Variants in SYNE2 observed in about 807,000 individuals in gnomAD.
SYNE2 encodes the protein spectrin repeat containing nuclear envelope protein 2.
Under a neutral mutation model 856.3 loss-of-function variants are expected in SYNE2, and 431 were observed. The observed-to-expected ratio is 0.50, with a 90% CI of 0.47 to 0.55. The LOEUF is 0.55. SYNE2 is among the 20% of genes least tolerant of loss of function. SYNE2 has a pLI of 0.00. For missense variants in SYNE2, 8,129 were observed against 8,023.2 expected (o/e 1.01, Z -0.50); for synonymous variants, 2,923 against 2,872.3 (o/e 1.02, Z -0.56).
intron 1 of SYNE2, among the ~76,000 whole-genome samples, chr14:63,777,432 G>A (rs964851174): frequency 6.6e-6 from 1 of 152,154 alleles, no homozygotes; most frequent in African/African-American, 2.4e-5. Flanking sequence ...AACTTTGAGA[G>A]GCTGAGGTGG....
At chr14:63,861,650 G>A (rs1893761741) in intron 1 of SYNE2, among the ~76,000 whole-genome samples, 1 of 151,952 alleles carries the variant, frequency 6.6e-6, no homozygotes, top group Admixed American at 6.6e-5. Context: ...GCTGGGCTAT[G>A]GTGGTGCATG....
At chr14:64,100,572 T>TATATATA in intron 63 of SYNE2, among the ~76,000 whole-genome samples, 1 of 107,140 alleles carries the variant, frequency 9.3e-6, no homozygotes, top group East Asian at 2.5e-4. Context: ...ATATATATAT[T>TATATATA]TATGACATGT....
intron 1 of SYNE2, among the ~76,000 whole-genome samples, chr14:63,877,962 AT>A (rs1226406052): frequency 6.6e-6 from 1 of 151,306 alleles, no homozygotes; most frequent in Non-Finnish European, 1.5e-5. Context: ...ATCATGGCTC[AT>A]TGCAGCCTTG....
chr14:63,942,089 T>C lies in SYNE2; in HGVS notation c.354T>C (p.Asp118=), dbSNP rs376281752. 7.6e-5 allele frequency: 123 copies of C among 1,611,748 alleles called. 1 individual carries two copies. The highest frequency in any genetic ancestry group is 2.6e-4 in the South Asian group (24 of 91,052). ...ATATTCATGTTACTGATATCATTGA[T>C]GGAAACCCATCCATTATCCTTGGCC... ...LINIHVTDII[D]GNPSIILGLI... is the part of the protein sequence containing the mutation. Residue 118 remains aspartate, a synonymous_variant, in exon 6 of 116, where the codon GAT becomes GAC. Coordinates refer to ENST00000555002, the MANE Select transcript of SYNE2 (RefSeq NM_182914.3).
chr14:63,854,722 TG>T (rs1329762905), intron 1 of SYNE2, among the ~76,000 whole-genome samples: 1 of 152,236 alleles, frequency 6.6e-6, no homozygotes, highest in Non-Finnish European at 1.5e-5. Context: ...TGAAAAATCA[TG>T]TGAATAAATT....
Position 64,077,528 on chromosome 14 carries a change from T to C in SYNE2, c.11023-938T>C, listed in dbSNP as rs8015543. 5.5e-3 allele frequency among the ~76,000 whole-genome samples: 832 copies of C among 152,318 alleles called. 8 individuals are homozygous for C. Among genetic ancestry groups the C allele is most frequent in the African/African-American group, 0.019 (793 of 41,566 alleles). Reference sequence around the variant, plus strand: ...CGCTTCTTGGGACAAGTTCAGCTACTTCCTTGACATATGACTGTAGCAAGT... The same window carrying C: ...CGCTTCTTGGGACAAGTTCAGCTACCTCCTTGACATATGACTGTAGCAAGT... On this transcript the variant is annotated intron_variant, in intron 54 of 115. Coordinates refer to ENST00000555002, the MANE Select transcript of SYNE2 (RefSeq NM_182914.3).
intron 1 of SYNE2, among the ~76,000 whole-genome samples, chr14:63,770,400 A>G (rs1886856396): frequency 6.6e-6 from 1 of 152,198 alleles, no homozygotes; most frequent in South Asian, 2.1e-4. Context: ...GTGGCACATT[A>G]GTCCTCAGTG....
intron 1 of SYNE2, among the ~76,000 whole-genome samples, chr14:63,858,970 A>G (rs1017547687): frequency 2.0e-5 from 3 of 152,134 alleles, no homozygotes; most frequent in African/African-American, 7.2e-5. Context: ...TTGGTTTAAC[A>G]TTTAGGTTCA....
rs1567648790 is a variant in SYNE2 at position 64,209,128 on chromosome 14, C to T, written c.18389+183C>T. On this transcript the variant is annotated intron_variant, in intron 101 of 115. Coordinates refer to ENST00000555002, the MANE Select transcript of SYNE2 (RefSeq NM_182914.3). ...AAAATGTAACCGGAGTAATGTCTCT[C>T]CCCAGCTGTCCTGTGTGGGGTGTGG... 5 of 912,562 alleles carry T rather than the reference C, an allele frequency of 5.5e-6. No homozygotes were observed. The East Asian group carries it at 1.1e-4, about 19-fold the overall frequency. The allele number at this position is 912,562 out of a possible 1,614,324, so 56.5% of individuals were successfully genotyped here.
At chr14:64,025,528 G>C in intron 41 of SYNE2, 107 bp downstream of exon 41, 1 of 1,130,532 alleles carries the variant, frequency 8.8e-7, no homozygotes, top group Non-Finnish European at 1.3e-6. Context: ...TCAGATCACT[G>C]TGGAATGGTT....
In SYNE2 at chr14:64,211,467, G is replaced by A. The variant is rs10147523; in HGVS notation, c.18724-494G>A. Among the ~76,000 whole-genome samples, 662 of 152,338 alleles carry A rather than the reference G, an allele frequency of 4.3e-3. 3 individuals carry two copies. The highest frequency in any genetic ancestry group is 0.015 in the African/African-American group (635 of 41,562). On this transcript the variant is annotated intron_variant, in intron 103 of 115. Coordinates refer to ENST00000555002, the MANE Select transcript of SYNE2 (RefSeq NM_182914.3). ...AAGACACATTCAGAATTCTATCAGT[G>A]AAGGCAGAAGGGGGCACCAGGCTGG...
chr14:63,874,743 A>G (rs573713960), intron 1 of SYNE2, among the ~76,000 whole-genome samples: 114 of 152,212 alleles, frequency 7.5e-4, no homozygotes, highest in Non-Finnish European at 1.4e-3. Context: ...AGATTTAGCA[A>G]TGTTTAAAAG....
chr14:63,790,163 T>C (rs909961057), intron 1 of SYNE2, among the ~76,000 whole-genome samples: 16 of 151,814 alleles, frequency 1.1e-4, no homozygotes, highest in African/African-American at 3.6e-4. Context: ...CAAAACCCCA[T>C]CCCTACAAAA....
At chr14:64,118,090 A>C (rs911522500) in intron 66 of SYNE2, among the ~76,000 whole-genome samples, 4 of 152,198 alleles carry the variant, frequency 2.6e-5, no homozygotes, top group African/African-American at 9.7e-5. Context: ...AATTATTTGC[A>C]ATTTTGTTTT....
At position 64,163,709 on chromosome 14, in the gene SYNE2, C is replaced by T. The variant is rs76205846; in HGVS notation, c.16479+128C>T. ...AGCAAAATTACAGACTGAAGCTGCT[C>T]CCAAATGTATACGATTCTAGCTTCA... On this transcript the variant is annotated intron_variant, in intron 89 of 115. Coordinates refer to ENST00000555002, the MANE Select transcript of SYNE2 (RefSeq NM_182914.3). 34,454 of 1,005,796 alleles carry T rather than the reference C, an allele frequency of 0.034. 750 individuals are homozygous for T. The highest frequency in any genetic ancestry group is 0.06 in the Middle Eastern group (197 of 3,310). 62.3% of individuals were successfully genotyped at this position (1,005,796 alleles called of 1,614,324 possible).
chr14:63,838,500 G>A (rs969107128), intron 1 of SYNE2, among the ~76,000 whole-genome samples: 4 of 151,866 alleles, frequency 2.6e-5, no homozygotes, highest in Non-Finnish European at 5.9e-5. Flanking sequence ...TTTTATCCAT[G>A]TACATTATTT....
Position 64,208,830 on chromosome 14 carries a change from C to T in SYNE2, c.18274C>T (p.His6092Tyr), listed in dbSNP as rs891176573. ...GTTTAACATCTGTGACGTCCTACTG[C>T]ACGACTCCGATGCCTGTGCAAATGA... The part of the protein sequence containing the change: ...SVFNICDVLL[H>Y]DSDACANETE... The change falls in exon 101 of 116, where the codon CAC (histidine) becomes TAC (tyrosine). Residue 6092 changes from histidine (H) to tyrosine (Y), a missense_variant. His to Tyr is a moderately conservative substitution (Grantham distance 83). Transcript: ENST00000555002. 1.9e-6 allele frequency: 3 copies of T among 1,614,226 alleles called. No individual in the cohort carries two copies. The highest frequency in any genetic ancestry group is 1.7e-5 in the Admixed American group (1 of 60,032).
chr14:63,961,511 G>T lies in SYNE2; in HGVS notation c.788-14G>T, dbSNP rs780408915. On this transcript the variant is annotated splice_polypyrimidine_tract_variant and intron_variant, in intron 8 of 115. Coordinates refer to ENST00000555002, the MANE Select transcript of SYNE2 (RefSeq NM_182914.3). ...ATGTGTAACAGCTAATTGATAGTGT[G>T]GTGTATCTTGCAGATGTGGATGTTG... 6.3e-7 allele frequency: 1 copy of T among 1,595,462 alleles called. No homozygotes were observed. The highest frequency in any genetic ancestry group is 1.7e-5 in the Admixed American group (1 of 59,922).
intron 9 of SYNE2, 145 bp downstream of exon 9, chr14:63,961,770 G>T: frequency 1.4e-6 from 1 of 695,900 alleles, no homozygotes; most frequent in Non-Finnish European, 2.6e-6. Flanking sequence ...CTTCAATCAT[G>T]ATGTAAAACA....
Sources: gnomAD v4.1 joint callset for allele counts (sites outside exome capture counted in the v4.1 genomes callset) on GRCh38, gnomAD v4.1.1 for gene constraint, MANE v1.5 for transcripts, NCBI Gene and HGNC (gene_info 2026-07-23, HGNC 2026-07-21) for gene names.